Variants in RAB11FIP3 observed in about 807,000 individuals in gnomAD.
RAB11FIP3 encodes the protein RAB11 family interacting protein 3.
RAB11FIP3 carries 17 observed loss-of-function variants against 77.8 expected under a neutral mutation model. The observed-to-expected ratio is 0.22, with a 90% confidence interval of 0.15 to 0.33. The LOEUF is 0.33. RAB11FIP3 is among the 10% of genes least tolerant of loss of function. The probability of loss-of-function intolerance (pLI) is 1.00; values close to 1 mark genes in which losing one functional copy is unlikely to be tolerated. For synonymous variants in RAB11FIP3, 437 were observed against 448.2 expected (o/e 0.98, Z 0.31); for missense variants, 1,005 against 1,011.2 (o/e 0.99, Z 0.08).
chr16:462,902 C>T, intron 2 of RAB11FIP3, among the ~76,000 whole-genome samples: 1 of 152,116 alleles, frequency 6.6e-6, no homozygotes, highest in East Asian at 1.9e-4. Flanking sequence ...CAATGTCTTC[C>T]CCAGCACCAT....
chr16:521,729 C>T lies in RAB11FIP3; in HGVS notation c.*890C>T, dbSNP rs1451082752. The T allele has an allele frequency of 2.6e-5, 4 of 152,326 alleles. No homozygotes were observed. The highest frequency in any genetic ancestry group is 6.5e-5 in the Admixed American group (1 of 15,282). 9.4% of individuals were successfully genotyped at this position (152,326 alleles called of 1,614,324 possible). ...TGCTTCTCCACAGGTGCGGCCTGGC[C>T]CGGCCTCCTAAAGGCCACACCCTCC... On this transcript the variant is annotated 3_prime_UTR_variant, in exon 14 of 14. Coordinates refer to ENST00000262305, the MANE Select transcript of RAB11FIP3 (RefSeq NM_014700.4).
intron 5 of RAB11FIP3, among the ~76,000 whole-genome samples, chr16:492,259 G>A (rs1037719431): frequency 3.3e-5 from 5 of 152,052 alleles, no homozygotes; most frequent in Admixed American, 2.0e-4. Flanking sequence ...TGCCCATTCA[G>A]GTGGAGAGGA....
Position 458,493 on chromosome 16 carries a change from A to AGTGATGCTCACAGGG in RAB11FIP3, c.715-2911_715-2910insGTGATGCTCACAGGG, listed in dbSNP as rs2055542534. 6.2e-5 allele frequency among the ~76,000 whole-genome samples: 8 copies of AGTGATGCTCACAGGG among 128,172 alleles called. 1 individual carries two copies. Among genetic ancestry groups the AGTGATGCTCACAGGG allele is most frequent in the African/African-American group, 1.6e-4 (5 of 32,038 alleles). 84.1% of individuals were successfully genotyped at this position (128,172 alleles called of 152,430 possible). On this transcript the variant is annotated intron_variant, in intron 1 of 13. Coordinates refer to ENST00000262305, the MANE Select transcript of RAB11FIP3 (RefSeq NM_014700.4). ...GGCCTGGGGGGCCTTCCTCGGGTTC[A>AGTGATGCTCACAGGG]CCGATGCCCACAGGGCCTGGGGGGC...
intron 9 of RAB11FIP3, among the ~76,000 whole-genome samples, chr16:511,983 C>G (rs1596298823): frequency 1.4e-5 from 2 of 145,942 alleles, no homozygotes; most frequent in Non-Finnish European, 3.0e-5. Flanking sequence ...TTCCTGACAG[C>G]CCACCCACCC....
intron 1 of RAB11FIP3, chr16:452,263 T>A (rs1054517144): frequency 1.3e-5 from 2 of 150,608 alleles, no homozygotes; most frequent in African/African-American, 4.9e-5. Flanking sequence ...TGAACCTGGG[T>A]GGCTGATATT....
intron 1 of RAB11FIP3, among the ~76,000 whole-genome samples, chr16:428,042 A>G (rs929368069): frequency 1.3e-5 from 2 of 151,548 alleles, no homozygotes; most frequent in Admixed American, 6.6e-5. Flanking sequence ...CGGAGCTTGC[A>G]GTGAGCGGAG....
At chr16:434,393 G>A (rs1361863963) in intron 1 of RAB11FIP3, among the ~76,000 whole-genome samples, 2 of 152,070 alleles carry the variant, frequency 1.3e-5, no homozygotes, top group Non-Finnish European at 2.9e-5. Context: ...CAAAGTGCTG[G>A]GATTACAAGC....
chr16:460,384 T>C (rs1441992626), intron 1 of RAB11FIP3, among the ~76,000 whole-genome samples: 1 of 152,160 alleles, frequency 6.6e-6, no homozygotes, highest in Non-Finnish European at 1.5e-5. Context: ...GGCAAACGTG[T>C]GCCATGGTGA....
At chr16:458,421 GCCCACAGGGC>G (rs1318218918) in intron 1 of RAB11FIP3, among the ~76,000 whole-genome samples, 9 of 151,444 alleles carry the variant, frequency 5.9e-5, no homozygotes, top group African/African-American at 2.2e-4. Flanking sequence ...GTTCACCGAT[GCCCACAGGGC>G]CTGGGGGGCC....
intron 5 of RAB11FIP3, among the ~76,000 whole-genome samples, chr16:495,122 GCAAA>G (rs372518847): frequency 2.0e-5 from 3 of 152,164 alleles, no homozygotes; most frequent in South Asian, 4.1e-4. Context: ...AAAAGATAAT[GCAAA>G]CAAACAAACA....
chr16:475,018 G>T, intron 3 of RAB11FIP3: 1 of 1,551,698 alleles, frequency 6.4e-7, no homozygotes, highest in East Asian at 2.4e-5. Flanking sequence ...ATGGGGAGCC[G>T]GTCTCCAACA....
chr16:457,590 C>T (rs1294886095), intron 1 of RAB11FIP3, among the ~76,000 whole-genome samples: 1 of 150,966 alleles, frequency 6.6e-6, no homozygotes, highest in Non-Finnish European at 1.5e-5. Context: ...TCATCAATTA[C>T]ATGAAATCCA....
chr16:465,360 G>A (rs577209576), intron 2 of RAB11FIP3, among the ~76,000 whole-genome samples: 1 of 152,246 alleles, frequency 6.6e-6, no homozygotes, highest in East Asian at 1.9e-4. Context: ...AAAACAAGAA[G>A]TGGAATAAGA....
intron 2 of RAB11FIP3, among the ~76,000 whole-genome samples, chr16:467,696 A>T (rs1326041422): frequency 6.9e-4 from 21 of 30,644 alleles, no homozygotes; most frequent in Admixed American, 1.1e-3. Context: ...GAGGAGGTGC[A>T]GGGGCGTCAG....
intron 8 of RAB11FIP3, 52 bp from the exon 9 acceptor site, chr16:510,608 C>T: frequency 6.5e-7 from 1 of 1,529,716 alleles, no homozygotes; most frequent in Admixed American, 2.1e-5. Context: ...ATGGGTGGAG[C>T]CACTGCACAC....
intron 1 of RAB11FIP3, among the ~76,000 whole-genome samples, chr16:443,539 T>C (rs1280733392): frequency 6.6e-6 from 1 of 152,170 alleles, no homozygotes; most frequent in Non-Finnish European, 1.5e-5. Flanking sequence ...TATCAGTACA[T>C]CTGCTTCTGC....
chr16:457,727 TA>T (rs1406671667), intron 1 of RAB11FIP3, among the ~76,000 whole-genome samples: 3 of 152,224 alleles, frequency 2.0e-5, no homozygotes, highest in Non-Finnish European at 4.4e-5. Context: ...ATGATTTGTT[TA>T]AAAAATATTT....
intron 3 of RAB11FIP3, among the ~76,000 whole-genome samples, chr16:479,107 A>G (rs1763629952): frequency 6.6e-6 from 1 of 151,874 alleles, no homozygotes; most frequent in African/African-American, 2.4e-5. Flanking sequence ...AAGAGTAAAA[A>G]CAAGTTGGGT....
chr16:503,189 C>T (rs1596287499), intron 7 of RAB11FIP3, 92 bp downstream of exon 7: 1 of 1,030,400 alleles, frequency 9.7e-7, no homozygotes, highest in East Asian at 2.6e-5. Context: ...GAGGTGGGGA[C>T]AGCACAGCCG....
Sources: allele counts gnomAD v4.1 joint callset (sites outside exome capture counted in the v4.1 genomes callset), GRCh38; gene constraint gnomAD v4.1.1; transcripts MANE v1.5; gene names NCBI Gene and HGNC (gene_info 2026-07-23, HGNC 2026-07-21).